CNTN4: variants seen among roughly 807,000 people sequenced by gnomAD.
CNTN4 encodes contactin-4.
A neutral mutation model predicts 122.5 loss-of-function variants in CNTN4; 77 were observed. The observed-to-expected ratio is 0.63, with a 90% CI of 0.52 to 0.76. The LOEUF (loss-of-function observed/expected upper bound fraction) is 0.76, where lower values mean the gene tolerates loss of function less well. Ranked by LOEUF, CNTN4 falls within the 30% of genes least tolerant of loss-of-function variation. The pLI is 0.00. For missense variants in CNTN4, 1,256 were observed against 1,259.1 expected (o/e 1.00, Z 0.04); for synonymous variants, 512 against 447.0 (o/e 1.15, Z -1.83).
intron 4 of CNTN4, among the ~76,000 whole-genome samples, chr3:2,664,185 G>C (rs912293724): frequency 2.0e-5 from 3 of 152,140 alleles, no homozygotes; most frequent in African/African-American, 7.2e-5. Context: ...ATATCTCAAA[G>C]CTATCAGTTA....
intron 3 of CNTN4, among the ~76,000 whole-genome samples, chr3:2,405,997 A>C (rs763400310): frequency 6.6e-6 from 1 of 152,004 alleles, no homozygotes; most frequent in Non-Finnish European, 1.5e-5. Flanking sequence ...ACTGAACTCC[A>C]GCCTAGATGA....
chr3:3,038,855 C>G, intron 18 of CNTN4, 78 bp from the exon 19 acceptor site: 2 of 1,185,080 alleles, frequency 1.7e-6, no homozygotes, highest in South Asian at 2.5e-5. Flanking sequence ...GAAAGTGAGT[C>G]ACCTCTGCCA....
At chr3:2,889,739 T>C (rs67538028) in intron 10 of CNTN4, among the ~76,000 whole-genome samples, 19,512 of 152,202 alleles carry the variant, frequency 0.13, 1,318 homozygotes, top group African/African-American at 0.16. Flanking sequence ...ATTTTAACTT[T>C]CATGATTTTC....
At chr3:2,476,496 G>C (rs1422249893) in intron 3 of CNTN4, among the ~76,000 whole-genome samples, 1 of 152,166 alleles carries the variant, frequency 6.6e-6, no homozygotes, top group African/African-American at 2.4e-5. Context: ...AGCAATAAAA[G>C]GAACAAAGCA....
At chr3:2,567,095 T>C (rs1243739139) in intron 3 of CNTN4, among the ~76,000 whole-genome samples, 1 of 138,016 alleles carries the variant, frequency 7.2e-6, no homozygotes, top group African/African-American at 2.7e-5. Flanking sequence ...TTTTTTTTTT[T>C]CTTTTTTTCA....
At chr3:2,909,623 A>G (rs914417876) in intron 12 of CNTN4, among the ~76,000 whole-genome samples, 3 of 152,238 alleles carry the variant, frequency 2.0e-5, no homozygotes, top group East Asian at 3.9e-4. Flanking sequence ...TTTTCCTTAA[A>G]GCTCCCCAGG....
At chr3:2,628,021 T>C (rs537286286) in intron 4 of CNTN4, among the ~76,000 whole-genome samples, 1 of 152,324 alleles carries the variant, frequency 6.6e-6, no homozygotes, top group South Asian at 2.1e-4. Flanking sequence ...AGGGACTTGC[T>C]TCGTAGTATA....
chr3:2,320,221 T>G (rs1216719764), intron 2 of CNTN4, among the ~76,000 whole-genome samples: 1 of 152,170 alleles, frequency 6.6e-6, no homozygotes, highest in East Asian at 1.9e-4. Context: ...TTAATTACGT[T>G]TAGTGACCTT....
rs576868370 is a variant in CNTN4, at chr3:2,411,771, C to T, written c.-89+72538C>T. 5.3e-5 allele frequency among the ~76,000 whole-genome samples: 8 copies of T among 152,156 alleles called. No homozygotes were observed. The East Asian group carries it at 1.2e-3, about 22-fold the overall frequency. On this transcript the variant is annotated intron_variant, in intron 3 of 24. Coordinates refer to ENST00000418658, the MANE Select transcript of CNTN4 (RefSeq NM_175607.3). ...ACTATGTAAGTTTCAAATTTTTGTG[C>T]CTTTTTGCTTTTATTCTGTCGTTGC...
intron 2 of CNTN4, among the ~76,000 whole-genome samples, chr3:2,122,218 A>AT (rs1250647816): frequency 6.6e-6 from 1 of 152,074 alleles, no homozygotes; most frequent in African/African-American, 2.4e-5. Flanking sequence ...TTTTAATAGT[A>AT]TGAAAGGGTA....
intron 7 of CNTN4, among the ~76,000 whole-genome samples, chr3:2,822,323 A>G (rs1201690866): frequency 6.6e-6 from 1 of 152,218 alleles, no homozygotes; most frequent in East Asian, 1.9e-4. Flanking sequence ...CTGCCTGTCT[A>G]TAAAATGAAG....
intron 4 of CNTN4, among the ~76,000 whole-genome samples, chr3:2,690,875 A>G (rs1046915071): frequency 6.6e-5 from 10 of 152,208 alleles, no homozygotes; most frequent in African/African-American, 1.9e-4. Context: ...CTTTCATGCT[A>G]TAGGTGCAGA....
intron 2 of CNTN4, among the ~76,000 whole-genome samples, chr3:2,253,978 G>A (rs191987358): frequency 7.7e-4 from 117 of 152,090 alleles, no homozygotes; most frequent in Admixed American, 3.0e-3. Flanking sequence ...CCATGTTGGC[G>A]TGCTGCAGCC....
At chr3:2,354,463 G>A (rs1454799287) in intron 3 of CNTN4, among the ~76,000 whole-genome samples, 1 of 152,140 alleles carries the variant, frequency 6.6e-6, no homozygotes, top group Non-Finnish European at 1.5e-5. Context: ...CCCGGGAGGC[G>A]GAGGTTACCG....
At chr3:2,526,917 C>T (rs149937950) in intron 3 of CNTN4, among the ~76,000 whole-genome samples, 18,509 of 152,096 alleles carry the variant, frequency 0.12, 1,402 homozygotes, top group Middle Eastern at 0.18. Context: ...GTTTGCTTAG[C>T]CACTGCCCAA....
chr3:2,248,511 A>G (rs1332359568), intron 2 of CNTN4, among the ~76,000 whole-genome samples: 4 of 152,024 alleles, frequency 2.6e-5, no homozygotes, highest in Non-Finnish European at 5.9e-5. Flanking sequence ...TGAAAAAGCC[A>G]TTTTCAGGAA....
At chr3:2,773,762 C>CTTTTTTTTTTGTTTTTTTTTTTTT (rs2091201630) in intron 6 of CNTN4, among the ~76,000 whole-genome samples, 1 of 107,544 alleles carries the variant, frequency 9.3e-6, no homozygotes, top group African/African-American at 3.5e-5. Flanking sequence ...ATGTAGTAGA[C>CTTTTTTTTTTGTTTTTTTTTTTTT]TTTTTTTTTT....
chr3:2,571,594 T>A (rs1433673445), intron 4 of CNTN4, 36 bp downstream of exon 4: 1 of 1,489,078 alleles, frequency 6.7e-7, no homozygotes, highest in Non-Finnish European at 9.4e-7. Context: ...GATTTAGAAA[T>A]GCCACTGTAT....
intron 3 of CNTN4, among the ~76,000 whole-genome samples, chr3:2,408,247 G>A (rs2047108640): frequency 6.6e-6 from 1 of 152,128 alleles, no homozygotes; most frequent in Admixed American, 6.6e-5. Context: ...TCACAAGGTT[G>A]TTTTTATTTT....
Sources: gnomAD v4.1 joint callset for allele counts (sites outside exome capture counted in the v4.1 genomes callset) on GRCh38, gnomAD v4.1.1 for gene constraint, MANE v1.5 for transcripts, NCBI Gene and HGNC (gene_info 2026-07-23, HGNC 2026-07-21) for gene names.